The following GRM5 variants were observed in gnomAD, a reference collection of about 807,000 sequenced individuals.
GRM5 encodes the protein metabotropic glutamate receptor 5.
A neutral mutation model predicts 83.1 loss-of-function variants in GRM5; 19 were observed. That is an observed-to-expected ratio of 0.23 (90% CI 0.16 to 0.34). The LOEUF (loss-of-function observed/expected upper bound fraction) is 0.34. Among genes scored for constraint, GRM5 ranks in the 10% least tolerant of loss-of-function variants. The pLI is 1.00. For missense variants in GRM5, 1,160 were observed against 1,588.3 expected (o/e 0.73, Z 4.58); for synonymous variants, 675 against 633.6 (o/e 1.07, Z -0.98).
chr11:88,652,425 C>A (rs1018297393), intron 4 of GRM5, among the ~76,000 whole-genome samples: 1 of 152,012 alleles, frequency 6.6e-6, no homozygotes, highest in East Asian at 1.9e-4. Context: ...GGACATGTTA[C>A]AAATAATATT....
rs535966967 is a variant in GRM5, at chr11:88,649,005, A to T, written c.1147+4163T>A. On this transcript the variant is annotated intron_variant, in intron 4 of 9. Coordinates refer to ENST00000305447, the MANE Select transcript of GRM5 (RefSeq NM_001143831.3). ...CCCTAAGAAAGTAATATACAAAGGAAATAACACCAAAGTTCATTATGGTCA... is the reference window on the plus strand; with the variant it reads ...CCCTAAGAAAGTAATATACAAAGGATATAACACCAAAGTTCATTATGGTCA... 6.8e-5 allele frequency among the ~76,000 whole-genome samples: 10 copies of T among 148,060 alleles called. No homozygotes were observed. In the South Asian group the frequency reaches 2.1e-3, roughly 31 times the overall value.
At chr11:88,561,211 C>G (rs776497041) in intron 8 of GRM5, among the ~76,000 whole-genome samples, 1 of 152,132 alleles carries the variant, frequency 6.6e-6, no homozygotes, top group Non-Finnish European at 1.5e-5. Context: ...TATTGTAATT[C>G]GGCCAATGAA....
chr11:88,826,579 G>A (rs961055974), intron 3 of GRM5, among the ~76,000 whole-genome samples: 12 of 152,010 alleles, frequency 7.9e-5, no homozygotes, highest in Admixed American at 6.6e-4. Context: ...ACTGATGTCC[G>A]TTTTCCACCA....
chr11:88,516,352 C>T (rs948901171), intron 9 of GRM5, among the ~76,000 whole-genome samples: 1 of 152,150 alleles, frequency 6.6e-6, no homozygotes, highest in Non-Finnish European at 1.5e-5. Context: ...TGCCAAGATA[C>T]ACACAGGAAC....
intron 3 of GRM5, among the ~76,000 whole-genome samples, chr11:88,799,464 A>G (rs12360908): frequency 6.6e-6 from 1 of 152,168 alleles, no homozygotes; most frequent in Admixed American, 6.6e-5. Flanking sequence ...TGATATAGGT[A>G]TGTGAGTGCA....
At chr11:88,668,922 A>G (rs1003359781) in intron 3 of GRM5, among the ~76,000 whole-genome samples, 1 of 152,170 alleles carries the variant, frequency 6.6e-6, no homozygotes. Flanking sequence ...ATTGGCAGAC[A>G]TTATGTTATT....
intron 3 of GRM5, among the ~76,000 whole-genome samples, chr11:88,811,390 C>G (rs1301434439): frequency 6.6e-6 from 1 of 152,120 alleles, no homozygotes; most frequent in Non-Finnish European, 1.5e-5. Context: ...AACAGAAACT[C>G]AGTTTGAATA....
At chr11:89,001,827 C>G (rs557981975) in intron 2 of GRM5, among the ~76,000 whole-genome samples, 3 of 152,004 alleles carry the variant, frequency 2.0e-5, no homozygotes, top group Non-Finnish European at 4.4e-5. Context: ...AAATGTCATC[C>G]GAAGACTGTC....
chr11:89,014,991 C>G (rs1188291794), intron 2 of GRM5, among the ~76,000 whole-genome samples: 2 of 152,010 alleles, frequency 1.3e-5, no homozygotes, highest in Non-Finnish European at 2.9e-5. Flanking sequence ...CGGCCAGAAC[C>G]CTATTTAGAA....
intron 3 of GRM5, among the ~76,000 whole-genome samples, chr11:88,655,636 G>A (rs144453642): frequency 1.0e-3 from 157 of 149,976 alleles, no homozygotes; most frequent in African/African-American, 3.7e-3. Flanking sequence ...GGATGAGAGT[G>A]ATAATTTACT....
chr11:88,951,076 AGTGTGT>A (rs10588925), intron 2 of GRM5, among the ~76,000 whole-genome samples: 3 of 151,296 alleles, frequency 2.0e-5, no homozygotes, highest in African/African-American at 2.4e-5. Context: ...GGCAGATTAG[AGTGTGT>A]GTGTGTGTGT....
intron 8 of GRM5, among the ~76,000 whole-genome samples, chr11:88,557,905 C>A (rs1310363458): frequency 6.6e-6 from 1 of 152,170 alleles, no homozygotes; most frequent in South Asian, 2.1e-4. Flanking sequence ...CTTTGAGATT[C>A]AACTCAAGTG....
chr11:88,509,119 C>A lies in GRM5; in HGVS notation c.3112G>T (p.Asp1038Tyr). The A allele has an allele frequency of 6.5e-7, 1 of 1,545,018 alleles. No individual in the cohort carries two copies. Among genetic ancestry groups the A allele is most frequent in the Non-Finnish European group, 8.7e-7 (1 of 1,145,534 alleles). ...RAGSASRTDD[D>Y]VPSLHSEPVA... ...GGCTCCGAGTGCAGCGACGGCACAT[C>A]GTCGTCCGTGCGGCTGGCCGAGCCC... is the stretch of plus-strand genomic sequence containing the variant. Residue 1038 changes from aspartate (D) to tyrosine (Y), a missense_variant, in exon 10 of 10, where the codon GAT becomes TAT. Around this residue, in one of 9 missense-constraint regions of GRM5, gnomAD observed 562 missense variants for 532.4 expected, o/e 1.06. Coordinates refer to ENST00000305447, the MANE Select transcript of GRM5 (RefSeq NM_001143831.3).
intron 3 of GRM5, among the ~76,000 whole-genome samples, chr11:88,840,359 G>A (rs1944175250): frequency 6.6e-6 from 1 of 152,082 alleles, no homozygotes; most frequent in African/African-American, 2.4e-5. Context: ...CTCCTCATCT[G>A]GCACTGGTCC....
intron 4 of GRM5, among the ~76,000 whole-genome samples, chr11:88,613,977 T>C (rs982980528): frequency 9.9e-5 from 15 of 152,112 alleles, no homozygotes; most frequent in Non-Finnish European, 4.4e-5. Context: ...AAAGAAGAGG[T>C]TACTCACACG....
At chr11:88,955,476 G>A (rs1209463731) in intron 2 of GRM5, among the ~76,000 whole-genome samples, 1 of 152,174 alleles carries the variant, frequency 6.6e-6, no homozygotes, top group African/African-American at 2.4e-5. Context: ...TAAAACTCAT[G>A]TAATTATAAA....
intron 3 of GRM5, among the ~76,000 whole-genome samples, chr11:88,700,800 A>T (rs776895951): frequency 6.6e-6 from 1 of 152,154 alleles, no homozygotes; most frequent in East Asian, 1.9e-4. Context: ...TGCTACACAT[A>T]TACAGCAATG....
chr11:88,571,663 C>G (rs978781430), intron 7 of GRM5, among the ~76,000 whole-genome samples: 6 of 152,152 alleles, frequency 3.9e-5, no homozygotes, highest in African/African-American at 1.4e-4. Context: ...CTATATTAGT[C>G]TTTGGTGCAA....
Position 88,525,530 on chromosome 11 carries a change from C to T in GRM5, c.2631-126G>A, listed in dbSNP as rs1941851874. 4.5e-6 allele frequency: 3 copies of T among 661,526 alleles called. No homozygotes were observed. The Admixed American group carries it at 7.2e-5, about 16-fold the overall frequency. 41.0% of individuals were successfully genotyped at this position (661,526 alleles called of 1,614,324 possible). A position where few individuals can be genotyped will look rare whatever the true frequency, so the allele number is the denominator to read the frequency against. ...TGCCAAAATGGGGGTTCCTGCTTCT[C>T]AATGCAATGACCAACCTGTGATACT... On this transcript the variant is annotated intron_variant, in intron 8 of 9. Coordinates refer to ENST00000305447, the MANE Select transcript of GRM5 (RefSeq NM_001143831.3).
Sources: gnomAD v4.1 joint callset for allele counts (sites outside exome capture counted in the v4.1 genomes callset) on GRCh38, gnomAD v4.1.1 for gene constraint, gnomAD v4.1.1 regional missense constraint, MANE v1.5 for transcripts, NCBI Gene and HGNC (gene_info 2026-07-23, HGNC 2026-07-21) for gene names.